Variants in STOM observed in about 807,000 individuals in gnomAD.
STOM encodes erythrocyte band 7 integral membrane protein.
STOM carries 25 observed loss-of-function variants against 30.6 expected under a neutral mutation model. The ratio of observed to expected loss-of-function variants is 0.82; its 90% CI spans 0.60 to 1.14. The LOEUF (loss-of-function observed/expected upper bound fraction) is 1.14. Ranked by LOEUF, STOM falls within the 50% of genes most tolerant of loss-of-function variation. STOM has a pLI of 0.00. For missense variants in STOM, 292 were observed against 365.2 expected (o/e 0.80, Z 1.63); for synonymous variants, 118 against 130.8 (o/e 0.90, Z 0.67).
At chr9:121,359,229 CAG>C (rs1360112393) in intron 1 of STOM, among the ~76,000 whole-genome samples, 2 of 152,108 alleles carry the variant, frequency 1.3e-5, no homozygotes, top group Non-Finnish European at 2.9e-5. Context: ...AAGAAATAAG[CAG>C]AGTGTTCAGG....
At chr9:121,358,780 C>T (rs1380584640) in intron 1 of STOM, among the ~76,000 whole-genome samples, 2 of 152,152 alleles carry the variant, frequency 1.3e-5, no homozygotes, top group Non-Finnish European at 2.9e-5. Context: ...CGGTTTTCAA[C>T]GTACTTATTG....
intron 1 of STOM, among the ~76,000 whole-genome samples, chr9:121,357,424 G>GATATTGATATATATATATAT (rs1554831050): frequency 1.0e-5 from 1 of 95,414 alleles, no homozygotes; most frequent in African/African-American, 3.2e-5. Flanking sequence ...ATTTTTAAAT[G>GATATTGATATATATATATAT]ATATATATAT....
chr9:121,339,970 G>A lies in STOM; in HGVS notation c.*1232C>T, dbSNP rs1182757614. 48 of 1,014,274 alleles carry A rather than the reference G, an allele frequency of 4.7e-5. No individual in the cohort carries two copies. The highest frequency in any genetic ancestry group is 5.6e-5 in the Non-Finnish European group (48 of 849,558). 62.8% of individuals were successfully genotyped at this position (1,014,274 alleles called of 1,614,324 possible). On this transcript the variant is annotated 3_prime_UTR_variant, in exon 7 of 7. Coordinates refer to ENST00000286713, the MANE Select transcript of STOM (RefSeq NM_004099.6). The stretch of plus-strand genomic sequence containing the variant: ...TCAACATATTTCACAGTGTACCACA[G>A]TTAACAGCATGCAGATAGTAAAATA...
intron 6 of STOM, among the ~76,000 whole-genome samples, chr9:121,345,439 T>C (rs1050911466): frequency 1.3e-5 from 2 of 152,216 alleles, no homozygotes; most frequent in Non-Finnish European, 2.9e-5. Context: ...AATTTTTCTA[T>C]AAAGTCTCTT....
intron 1 of STOM, among the ~76,000 whole-genome samples, chr9:121,360,089 A>C (rs759661172): frequency 2.8e-4 from 42 of 151,834 alleles, no homozygotes; most frequent in Non-Finnish European, 5.2e-4. Flanking sequence ...TAGAGTAAAA[A>C]CTCCCTGAGG....
intron 1 of STOM, among the ~76,000 whole-genome samples, chr9:121,362,087 C>T (rs891557662): frequency 1.3e-5 from 2 of 152,048 alleles, no homozygotes; most frequent in Admixed American, 1.3e-4. Context: ...TTTAACTAAT[C>T]AAAGAAGGGT....
intron 4 of STOM, among the ~76,000 whole-genome samples, chr9:121,350,463 A>AGGG (rs2064329624): frequency 1.3e-5 from 2 of 152,194 alleles, no homozygotes; most frequent in Admixed American, 6.5e-5. Context: ...TGTAACTCTA[A>AGGG]CACTGGCAGA....
chr9:121,363,317 G>C (rs1304235015), intron 1 of STOM, among the ~76,000 whole-genome samples: 1 of 152,158 alleles, frequency 6.6e-6, no homozygotes, highest in Non-Finnish European at 1.5e-5. Flanking sequence ...CTTTTTAGGG[G>C]TAACAGTAGG....
chr9:121,345,695 C>T (rs923941760), intron 6 of STOM, among the ~76,000 whole-genome samples: 4 of 152,146 alleles, frequency 2.6e-5, no homozygotes, highest in Non-Finnish European at 4.4e-5. Flanking sequence ...GGGAGCATGG[C>T]AATTCAGAAT....
At position 121,340,207 on chromosome 9, in the gene STOM, A is replaced by G; in HGVS notation, c.*995T>C. On this transcript the variant is annotated 3_prime_UTR_variant, in exon 7 of 7. Transcript: ENST00000286713. ...TTGAAAGACAGAACAAGGAGGAATC[A>G]TTTACTCATAAAGAAGGCTCAAATA... is the stretch of plus-strand genomic sequence containing the variant. 1.0e-6 allele frequency: 1 copy of G among 985,456 alleles called. No homozygotes were observed. Among genetic ancestry groups the G allele is most frequent in the Non-Finnish European group, 1.2e-6 (1 of 829,928 alleles). 61.0% of individuals were successfully genotyped at this position (985,456 alleles called of 1,614,324 possible). A position where few individuals can be genotyped will look rare whatever the true frequency, so the allele number is the denominator to read the frequency against.
chr9:121,341,207 C>CTCT lies in STOM; in HGVS notation c.861_862insAGA (p.Leu287_Gly288insArg). The CTCT allele has an allele frequency of 6.2e-7, 1 of 1,614,110 alleles. No individual in the cohort carries two copies. The highest frequency in any genetic ancestry group is 8.5e-7 in the Non-Finnish European group (1 of 1,180,022). On this transcript the variant is annotated inframe_insertion, in exon 7 of 7. Transcript: ENST00000286713. ...GGCTAGCGCTCATCTCTACACTAGC[C>CTCT]TAGATGGCTGTGTTTTGCCCCTATG...
rs545890125 is a variant in STOM, at chr9:121,369,634, T to G, written c.61+493A>C. The stretch of plus-strand genomic sequence containing the variant: ...GAAAGCCAGAGAGACTTCTTCCTTC[T>G]GCAAATCGGTCTAAGTTTCGGGAGG... On this transcript the variant is annotated intron_variant, in intron 1 of 6. Coordinates refer to ENST00000286713, the MANE Select transcript of STOM (RefSeq NM_004099.6). Among the ~76,000 whole-genome samples the G allele has an allele frequency of 2.0e-5, 3 of 151,552 alleles. No individual in the cohort carries two copies. In the South Asian group the frequency reaches 6.2e-4, roughly 32 times the overall value.
At chr9:121,342,528 G>A (rs1000610521) in intron 6 of STOM, among the ~76,000 whole-genome samples, 2 of 151,990 alleles carry the variant, frequency 1.3e-5, no homozygotes. Flanking sequence ...TGTATGTTAG[G>A]AAAAGAATCT....
chr9:121,369,671 G>A (rs914152960), intron 1 of STOM, among the ~76,000 whole-genome samples: 1 of 152,102 alleles, frequency 6.6e-6, no homozygotes, highest in Non-Finnish European at 1.5e-5. Context: ...GGGATTGGGG[G>A]AGGAGGGGGT....
intron 4 of STOM, among the ~76,000 whole-genome samples, chr9:121,351,500 CCTTTGGCCAG>C (rs1425525356): frequency 6.6e-6 from 1 of 152,224 alleles, no homozygotes; most frequent in Non-Finnish European, 1.5e-5. Flanking sequence ...GAGTATCTGG[CCTTTGGCCAG>C]GAAACACTGA....
intron 4 of STOM, among the ~76,000 whole-genome samples, chr9:121,349,750 G>A (rs548313536): frequency 6.6e-6 from 1 of 152,182 alleles, no homozygotes; most frequent in Non-Finnish European, 1.5e-5. Flanking sequence ...GAGAGTCAAG[G>A]TTTGATAAAC....
chr9:121,341,556 A>T (rs1426947642), intron 6 of STOM, 148 bp from the exon 7 acceptor site: 69 of 1,039,312 alleles, frequency 6.6e-5, no homozygotes, highest in Non-Finnish European at 9.1e-5. Context: ...CAATTTCTAC[A>T]TACTCAGTTT....
intron 1 of STOM, among the ~76,000 whole-genome samples, chr9:121,363,654 C>A (rs1240817829): frequency 1.3e-5 from 2 of 152,160 alleles, no homozygotes; most frequent in South Asian, 2.1e-4. Flanking sequence ...TTTTTAAAAT[C>A]ATTTAAAAAT....
At chr9:121,368,018 A>G (rs2064521990) in intron 1 of STOM, among the ~76,000 whole-genome samples, 1 of 152,222 alleles carries the variant, frequency 6.6e-6, no homozygotes. Flanking sequence ...GCTGTTACAG[A>G]ATGCAATTAG....
Sources: gnomAD v4.1 joint callset for allele counts (sites outside exome capture counted in the v4.1 genomes callset) on GRCh38, gnomAD v4.1.1 for gene constraint, MANE v1.5 for transcripts, NCBI Gene and HGNC (gene_info 2026-07-23, HGNC 2026-07-21) for gene names.